Variants in GYG2 observed in about 807,000 individuals in gnomAD.
The protein encoded by GYG2 is glycogenin 2.
A neutral mutation model predicts 29.4 loss-of-function variants in GYG2; 29 were observed. That is an observed-to-expected ratio of 0.99 (90% CI 0.74 to 1.35). The LOEUF (loss-of-function observed/expected upper bound fraction) is 1.35. Among genes scored for constraint, GYG2 ranks in the 40% most tolerant of loss-of-function variants. The pLI is 0.00. For missense variants in GYG2, 370 were observed against 385.7 expected, an observed-to-expected ratio of 0.96 and a Z score of 0.34; for synonymous variants, 167 against 172.3, an observed-to-expected ratio of 0.97 and a Z score of 0.24.
intron 3 of GYG2, among the ~76,000 whole-genome samples, chrX:2,850,128 AATAATG>A (rs200028493): frequency 0.14 from 15,534 of 108,789 alleles, 1,047 homozygotes; most frequent in South Asian, 0.26. Context: ...AAATAATAAT[AATAATG>A]ATAATGATAA....
At chrX:2,848,105 C>T (rs1462708095) in intron 3 of GYG2, among the ~76,000 whole-genome samples, 1 of 112,480 alleles carries the variant, frequency 8.9e-6, no homozygotes, top group East Asian at 2.8e-4. Context: ...CTGAGGGCCA[C>T]ATTTAAAATA....
At chrX:2,832,364 G>C (rs1338720492) in intron 2 of GYG2, among the ~76,000 whole-genome samples, 2 of 110,026 alleles carry the variant, frequency 1.8e-5, no homozygotes, top group Non-Finnish European at 3.8e-5. Flanking sequence ...ACCAAAGAGA[G>C]AAACAGGGTA....
At chrX:2,848,528 ACT>A (rs769682257) in intron 3 of GYG2, among the ~76,000 whole-genome samples, 1 of 73,824 alleles carries the variant, frequency 1.4e-5, no homozygotes, top group South Asian at 9.4e-4. Flanking sequence ...ACAGAGCGAG[ACT>A]CTGTCAAAAA....
intron 3 of GYG2, among the ~76,000 whole-genome samples, chrX:2,846,850 T>C (rs1402683988): frequency 2.7e-5 from 3 of 112,124 alleles, no homozygotes; most frequent in Non-Finnish European, 5.6e-5. Flanking sequence ...TAAAAGCAAA[T>C]AGTATATAGA....
intron 10 of GYG2, 131 bp downstream of exon 10, chrX:2,877,438 C>T: frequency 2.8e-6 from 3 of 1,090,419 alleles, no homozygotes; most frequent in Non-Finnish European, 3.6e-6. Context: ...AATCGGCTTC[C>T]CTCTTCCCCT....
At position 2,843,253 on chromosome X, in the gene GYG2, C is replaced by A; in HGVS notation, c.48C>A (p.Ile16=). The change falls in exon 3 of 11, where the codon ATC becomes ATA. Residue 16 remains isoleucine (I), a synonymous_variant. Coordinates refer to ENST00000398806, the MANE Select transcript of GYG2 (RefSeq NM_001079855.2). ...TTGTCACACTAGCCACCAATGACAT[C>A]TACTGCCAGGGCGCCCTGGTCCTGG... ...QAFVTLATND[I]YCQGALVLGQ... is the part of the protein sequence containing the mutation. 6 of 1,201,971 alleles carry A rather than the reference C, an allele frequency of 5.0e-6. No homozygotes were observed. Among genetic ancestry groups the A allele is most frequent in the Non-Finnish European group, 6.8e-6 (6 of 886,673 alleles).
intron 8 of GYG2, among the ~76,000 whole-genome samples, chrX:2,869,997 T>C (rs1171734366): frequency 9.0e-6 from 1 of 111,022 alleles, no homozygotes; most frequent in Non-Finnish European, 1.9e-5. Context: ...CATACATTAA[T>C]GTATTAAGGA....
intron 2 of GYG2, among the ~76,000 whole-genome samples, chrX:2,840,034 A>G (rs1021700669): frequency 7.1e-5 from 8 of 112,000 alleles, no homozygotes; most frequent in African/African-American, 1.9e-4. Flanking sequence ...GGTTTGTTTT[A>G]TGTTATGTTA....
chrX:2,829,811 A>G (rs2087220969), intron 1 of GYG2, among the ~76,000 whole-genome samples: 1 of 107,620 alleles, frequency 9.3e-6, no homozygotes, highest in Non-Finnish European at 1.9e-5. Context: ...TGCTGGGCGC[A>G]TGGGTGTTAA....
chrX:2,860,071 T>G lies in GYG2; in HGVS notation c.837+6T>G. ...GCGCGTCTCCTGGTCACACAGTAAGTGGGGGATTCCCTTAAAACCCGTAGC... is the reference window on the plus strand; with the variant it reads ...GCGCGTCTCCTGGTCACACAGTAAGGGGGGGATTCCCTTAAAACCCGTAGC... On this transcript the variant is annotated splice_donor_region_variant and intron_variant, in intron 7 of 10. Coordinates refer to ENST00000398806, the MANE Select transcript of GYG2 (RefSeq NM_001079855.2). The G allele has an allele frequency of 1.8e-6, 2 of 1,100,740 alleles. No individual in the cohort carries two copies. Among genetic ancestry groups the G allele is most frequent in the Non-Finnish European group, 2.5e-6 (2 of 805,069 alleles). The allele number at this position is 1,100,740 out of a possible 1,213,427, so 90.7% of individuals were successfully genotyped here. A position where few individuals can be genotyped will look rare whatever the true frequency, so the allele number is the denominator to read the frequency against.
At chrX:2,852,665 T>C (rs2087895785) in intron 3 of GYG2, 1 of 112,305 alleles carries the variant, frequency 8.9e-6, no homozygotes, top group South Asian at 3.7e-4. Context: ...TCTCTGCCTC[T>C]GCAGCTTACA....
chrX:2,867,361 C>T (rs1006153015), intron 8 of GYG2, among the ~76,000 whole-genome samples: 21 of 111,127 alleles, frequency 1.9e-4, no homozygotes, highest in South Asian at 7.7e-4. Context: ...ATAAACTGTA[C>T]ATCACAGAGG....
At chrX:2,864,049 G>T (rs1025728036) in intron 8 of GYG2, among the ~76,000 whole-genome samples, 3 of 112,059 alleles carry the variant, frequency 2.7e-5, no homozygotes, top group African/African-American at 9.7e-5. Flanking sequence ...GCACCTTAAG[G>T]CCAATAAAGG....
chrX:2,874,580 T>C (rs1210759860), intron 8 of GYG2, among the ~76,000 whole-genome samples: 1 of 112,626 alleles, frequency 8.9e-6, no homozygotes, highest in Non-Finnish European at 1.9e-5. Flanking sequence ...TTTGTTGATT[T>C]TCTGTCTTCT....
chrX:2,861,298 G>A (rs1232535319), intron 7 of GYG2, among the ~76,000 whole-genome samples: 1 of 111,303 alleles, frequency 9.0e-6, no homozygotes, highest in Non-Finnish European at 1.9e-5. Context: ...ATTAAGTACT[G>A]GATTACTAAG....
In GYG2 at chrX:2,861,539, G is replaced by C. The variant is rs757913786; in HGVS notation, c.855G>C (p.Val285=). The C allele has an allele frequency of 1.7e-6, 2 of 1,202,976 alleles. No homozygotes were observed. Among genetic ancestry groups the C allele is most frequent in the Non-Finnish European group, 2.2e-6 (2 of 888,909 alleles). The stretch of plus-strand genomic sequence containing the variant: ...TTGTGCAGCTTTGCCACAGTGATGT[G>C]GGGGGGCCGTGTGCGGATTCAGCCT... The part of the protein sequence containing the change: ...SPGHTLCHSD[V]GGPCADSASG... Residue 285 remains valine (V), a synonymous_variant, in exon 8 of 11, where the codon GTG becomes GTC. Transcript: ENST00000398806.
At chrX:2,864,599 A>C (rs974378808) in intron 8 of GYG2, among the ~76,000 whole-genome samples, 3 of 110,862 alleles carry the variant, frequency 2.7e-5, no homozygotes, top group African/African-American at 6.6e-5. Context: ...AACGGTTTTC[A>C]AACCATCTTT....
chrX:2,833,706 T>G (rs1450641918), intron 2 of GYG2, among the ~76,000 whole-genome samples: 3 of 112,471 alleles, frequency 2.7e-5, no homozygotes, highest in Middle Eastern at 4.2e-3. Context: ...GTCACTGAGA[T>G]CCTCATGAAG....
At chrX:2,873,543 C>T (rs1339734132) in intron 8 of GYG2, among the ~76,000 whole-genome samples, 2 of 110,169 alleles carry the variant, frequency 1.8e-5, no homozygotes, top group African/African-American at 3.3e-5. Flanking sequence ...CCTCCTCTTT[C>T]TCCTCCTCCT....
Sources: gnomAD v4.1 joint callset for allele counts (sites outside exome capture counted in the v4.1 genomes callset) on GRCh38, gnomAD v4.1.1 for gene constraint, MANE v1.5 for transcripts, NCBI Gene and HGNC (gene_info 2026-07-23, HGNC 2026-07-21) for gene names.